CLN8: variants seen among roughly 807,000 people sequenced by gnomAD.
The protein encoded by CLN8 is CLN8 transmembrane ER and ERGIC protein.
In CLN8, 14 loss-of-function variants were observed where a neutral mutation model predicts 15.7. The observed-to-expected ratio is 0.89, with a 90% confidence interval of 0.59 to 1.39. The LOEUF is 1.39. Among genes scored for constraint, CLN8 ranks in the 40% most tolerant of loss-of-function variants. CLN8 has a pLI of 0.00. For synonymous variants in CLN8, 188 were observed against 151.0 expected (o/e 1.25, Z -1.80); for missense variants, 415 against 364.0 (o/e 1.14, Z -1.14).
At chr8:1,771,951 T>TTTATTTA (rs1321836845) in intron 2 of CLN8, among the ~76,000 whole-genome samples, 104 of 35,674 alleles carry the variant, frequency 2.9e-3, no homozygotes, top group Non-Finnish European at 3.8e-3. Context: ...TTATTTATTT[T>TTTATTTA]TTGAGACGGA....
At chr8:1,763,378 CCACAGCGCCCGCCG>C (rs1383814574), upstream of CLN8, 1 of 102,762 alleles carries the variant, frequency 9.7e-6, no homozygotes, top group Non-Finnish European at 2.2e-5. Context: ...CCCCGCCGCC[CCACAGCGCCCGCCG>C]CGCCGCGCCC....
At chr8:1,771,938 T>TATTTATTC (rs1326384233) in intron 2 of CLN8, among the ~76,000 whole-genome samples, 10 of 151,242 alleles carry the variant, frequency 6.6e-5, no homozygotes, top group Non-Finnish European at 1.0e-4. Flanking sequence ...TATATTTATT[T>TATTTATTC]ATTTATTTAT....
intron 1 of CLN8, chr8:1,764,375 G>GAGGCGGCGCCGT (rs76988971): frequency 6.5e-6 from 1 of 152,842 alleles, no homozygotes; most frequent in Non-Finnish European, 1.5e-5. Context: ...GGCGGAGGCG[G>GAGGCGGCGCCGT]CGCCGTCGCC....
At chr8:1,767,445 G>T (rs979175815) in intron 1 of CLN8, among the ~76,000 whole-genome samples, 1 of 151,794 alleles carries the variant, frequency 6.6e-6, no homozygotes, top group African/African-American at 2.4e-5. Context: ...TCTCCAAAAA[G>T]ATATCTAGAA....
chr8:1,774,645 G>T (rs1006822074), intron 2 of CLN8, among the ~76,000 whole-genome samples: 20 of 152,102 alleles, frequency 1.3e-4, no homozygotes, highest in African/African-American at 4.8e-4. Flanking sequence ...CTTAGATTTG[G>T]TTCTACTATT....
rs564619289 is a variant in CLN8 at position 1,766,722 on chromosome 8, A to G, written c.-124+2837A>G. On this transcript the variant is annotated intron_variant, in intron 1 of 2. Coordinates refer to ENST00000331222, the MANE Select transcript of CLN8 (RefSeq NM_018941.4). ...GCCTCCAGTTTTACCCATGGAAGGAACAGTGACTTCCAGCTGTGCATTACA... is the reference window on the plus strand; with the variant it reads ...GCCTCCAGTTTTACCCATGGAAGGAGCAGTGACTTCCAGCTGTGCATTACA... Among the ~76,000 whole-genome samples, 55 of 152,320 alleles carry G rather than the reference A, an allele frequency of 3.6e-4. 1 individual carries two copies. The South Asian group carries it at 6.0e-3, about 17-fold the overall frequency.
intron 1 of CLN8, among the ~76,000 whole-genome samples, chr8:1,769,440 A>C (rs949795568): frequency 1.3e-5 from 2 of 152,134 alleles, no homozygotes; most frequent in African/African-American, 4.8e-5. Context: ...TCTTCCGGAG[A>C]GCAGAGGGTC....
intron 2 of CLN8, among the ~76,000 whole-genome samples, chr8:1,774,318 C>G (rs1182938419): frequency 6.6e-6 from 1 of 152,150 alleles, no homozygotes; most frequent in Non-Finnish European, 1.5e-5. Context: ...CTGTATAAAG[C>G]CAACAGACCC....
At chr8:1,768,311 C>T (rs1801149454) in intron 1 of CLN8, among the ~76,000 whole-genome samples, 1 of 152,186 alleles carries the variant, frequency 6.6e-6, no homozygotes, top group African/African-American at 2.4e-5. Context: ...AGCCGCTCTT[C>T]TTGGTTTTTG....
chr8:1,759,481 C>G (rs13277835), upstream of CLN8: 2,252 of 152,270 alleles, frequency 0.015, 32 homozygotes, highest in Non-Finnish European at 0.025. Context: ...GTGCCACAGG[C>G]AGGCCAGGTG....
intron 2 of CLN8, among the ~76,000 whole-genome samples, chr8:1,771,923 A>T (rs1801322893): frequency 7.7e-6 from 1 of 129,910 alleles, no homozygotes; most frequent in African/African-American, 2.9e-5. Flanking sequence ...CCTTTCTTTT[A>T]ATACTATATT....
At chr8:1,764,663 T>C in intron 1 of CLN8, 1 of 152,860 alleles carries the variant, frequency 6.5e-6, no homozygotes, top group Non-Finnish European at 1.5e-5. Context: ...CACCAAAGTG[T>C]GCGGGGGAGA....
At chr8:1,774,664 G>T (rs1244336283) in intron 2 of CLN8, among the ~76,000 whole-genome samples, 7 of 152,260 alleles carry the variant, frequency 4.6e-5, no homozygotes, top group African/African-American at 1.7e-4. Flanking sequence ...TTTATCCACA[G>T]ACTCACTAGT....
rs2129015438 is a variant in CLN8 at position 1,780,783 on chromosome 8, G to C, written c.*216G>C. 1 of 608,142 alleles carries C rather than the reference G, an allele frequency of 1.6e-6. No homozygotes were observed. Among genetic ancestry groups the C allele is most frequent in the Admixed American group, 3.0e-5 (1 of 33,432 alleles). The allele number at this position is 608,142 out of a possible 1,614,324, so 37.7% of individuals were successfully genotyped here. On this transcript the variant is annotated 3_prime_UTR_variant, in exon 3 of 3. Transcript: ENST00000331222. ...TATGACTGTCTGGCAGGCTCTGTCA[G>C]TTTAGCCGCGCCGGACCGTGTCAAG... is the stretch of plus-strand genomic sequence containing the variant.
intron 1 of CLN8, among the ~76,000 whole-genome samples, chr8:1,768,439 T>G (rs1271884695): frequency 6.6e-6 from 1 of 152,238 alleles, no homozygotes; most frequent in Non-Finnish European, 1.5e-5. Flanking sequence ...CAGAGCCTTC[T>G]GGAGTCGGGG....
At chr8:1,767,969 G>C (rs1448393222) in intron 1 of CLN8, among the ~76,000 whole-genome samples, 2 of 151,212 alleles carry the variant, frequency 1.3e-5, no homozygotes, top group African/African-American at 4.9e-5. Context: ...TTGAGATGGA[G>C]TTTTGCTCTG....
chr8:1,753,801 G>A (rs1037720215), upstream of CLN8, among the ~76,000 whole-genome samples: 2 of 151,216 alleles, frequency 1.3e-5, no homozygotes, highest in Admixed American at 1.3e-4. Context: ...CAGGAGAATT[G>A]CTTGAACCCG....
intron 1 of CLN8, among the ~76,000 whole-genome samples, chr8:1,770,507 G>A (rs977058445): frequency 6.6e-6 from 1 of 152,134 alleles, no homozygotes; most frequent in African/African-American, 2.4e-5. Context: ...ACAGGTTTTC[G>A]TGACATCCTT....
At chr8:1,761,192 T>C (rs768764696), upstream of CLN8, among the ~76,000 whole-genome samples, 1 of 151,482 alleles carries the variant, frequency 6.6e-6, no homozygotes, top group Non-Finnish European at 1.5e-5. Context: ...AGGTTCATGT[T>C]GCCTACACAG....
Sources: allele counts gnomAD v4.1 joint callset (sites outside exome capture counted in the v4.1 genomes callset), GRCh38; gene constraint gnomAD v4.1.1; transcripts MANE v1.5; gene names NCBI Gene and HGNC (gene_info 2026-07-23, HGNC 2026-07-21).